ACOX1: variants seen among roughly 807,000 people sequenced by gnomAD.
ACOX1 encodes peroxisomal acyl-coenzyme A oxidase 1.
In ACOX1, 41 loss-of-function variants were observed where a neutral mutation model predicts 75.5. The ratio of observed to expected loss-of-function variants is 0.54; its 90% CI spans 0.42 to 0.70. The LOEUF (loss-of-function observed/expected upper bound fraction) is 0.70, where lower values mean the gene tolerates loss of function less well. Ranked by LOEUF, ACOX1 falls within the 30% of genes least tolerant of loss-of-function variation. ACOX1 has a pLI of 0.00. For missense variants in ACOX1, 630 were observed against 837.5 expected, an observed-to-expected ratio of 0.75 and a Z score of 3.06; for synonymous variants, 303 against 298.8, an observed-to-expected ratio of 1.01 and a Z score of -0.15.
chr17:75,970,900 T>A (rs910184574), intron 2 of ACOX1, among the ~76,000 whole-genome samples: 2 of 152,150 alleles, frequency 1.3e-5, no homozygotes, highest in Admixed American at 6.6e-5. Flanking sequence ...AGAACAGCAA[T>A]ATGAATTAGC....
At chr17:75,970,356 T>C (rs2065983069) in intron 2 of ACOX1, among the ~76,000 whole-genome samples, 1 of 152,132 alleles carries the variant, frequency 6.6e-6, no homozygotes, top group Admixed American at 6.6e-5. Flanking sequence ...GTCAGGATGA[T>C]AACATGGACC....
chr17:75,976,417 C>T (rs2066051105), intron 2 of ACOX1, among the ~76,000 whole-genome samples: 1 of 152,130 alleles, frequency 6.6e-6, no homozygotes, highest in South Asian at 2.1e-4. Flanking sequence ...AACACACACA[C>T]ACACACTCAA....
chr17:75,948,936 T>C (rs2065747981), intron 12 of ACOX1, among the ~76,000 whole-genome samples: 2 of 151,618 alleles, frequency 1.3e-5, no homozygotes, highest in South Asian at 4.2e-4. Flanking sequence ...CTTGGCTCAC[T>C]GCAACCTCTG....
Position 75,946,310 on chromosome 17 carries a change from G to T in ACOX1, c.*438C>A. The T allele has an allele frequency of 4.9e-6, 1 of 204,370 alleles. No individual in the cohort carries two copies. Among genetic ancestry groups the T allele is most frequent in the Non-Finnish European group, 1.0e-5 (1 of 99,258 alleles). 12.7% of individuals were successfully genotyped at this position (204,370 alleles called of 1,614,324 possible). A position where few individuals can be genotyped will look rare whatever the true frequency, so the allele number is the denominator to read the frequency against. Reference sequence around the variant, plus strand: ...ATCCTGCTTTTAAGCCAGGCCCCAGGGTAAGTCTGGTAGAACACTGAGCAG... The same window carrying T: ...ATCCTGCTTTTAAGCCAGGCCCCAGTGTAAGTCTGGTAGAACACTGAGCAG... On this transcript the variant is annotated 3_prime_UTR_variant, in exon 14 of 14. Transcript: ENST00000293217.
chr17:75,946,250 C>G lies in ACOX1; in HGVS notation c.*498G>C, dbSNP rs2065719227. 1.1e-5 allele frequency: 2 copies of G among 181,260 alleles called. No individual in the cohort carries two copies. Among genetic ancestry groups the G allele is most frequent in the Non-Finnish European group, 2.3e-5 (2 of 85,228 alleles). The allele number at this position is 181,260 out of a possible 1,614,324, so 11.2% of individuals were successfully genotyped here. A position where few individuals can be genotyped will look rare whatever the true frequency, so the allele number is the denominator to read the frequency against. On this transcript the variant is annotated 3_prime_UTR_variant, in exon 14 of 14. Coordinates refer to ENST00000293217, the MANE Select transcript of ACOX1 (RefSeq NM_004035.7). ...CAGAAACTCATTCGCATCAAGTTTT[C>G]CAATAAGTTTCCTTCCCCCAGTCCC... is the stretch of plus-strand genomic sequence containing the variant.
chr17:75,959,456 A>T (rs934960477), intron 3 of ACOX1, among the ~76,000 whole-genome samples: 15 of 152,236 alleles, frequency 9.9e-5, no homozygotes, highest in African/African-American at 3.1e-4. Context: ...GCAAGTGGCA[A>T]ATACACACTA....
intron 2 of ACOX1, among the ~76,000 whole-genome samples, chr17:75,971,083 G>C (rs2065988976): frequency 1.3e-5 from 2 of 152,088 alleles, no homozygotes; most frequent in African/African-American, 2.4e-5. Flanking sequence ...CCTAAGGTCG[G>C]GAGTTCGAGA....
At chr17:75,958,070 T>C (rs1393539909) in intron 3 of ACOX1, among the ~76,000 whole-genome samples, 1 of 152,100 alleles carries the variant, frequency 6.6e-6, no homozygotes. Flanking sequence ...ATTAAAAATG[T>C]ATGGCTGTGC....
intron 2 of ACOX1, among the ~76,000 whole-genome samples, chr17:75,968,930 A>G (rs906947488): frequency 6.6e-6 from 1 of 152,066 alleles, no homozygotes; most frequent in Non-Finnish European, 1.5e-5. Flanking sequence ...CTCAAAAAAA[A>G]AAAAAAAGAA....
intron 7 of ACOX1, among the ~76,000 whole-genome samples, chr17:75,952,861 G>A (rs998048037): frequency 6.6e-6 from 1 of 150,980 alleles, no homozygotes; most frequent in Non-Finnish European, 1.5e-5. Context: ...AGAAAATAGA[G>A]ACAGGGTCTC....
chr17:75,947,321 C>T (rs954411963), intron 13 of ACOX1, among the ~76,000 whole-genome samples: 3 of 150,642 alleles, frequency 2.0e-5, no homozygotes, highest in Non-Finnish European at 4.4e-5. Context: ...GGTCTCGGCT[C>T]ACCGCAACCT....
intron 7 of ACOX1, 42 bp from the exon 8 acceptor site, chr17:75,951,619 T>G: frequency 1.9e-6 from 3 of 1,604,638 alleles, no homozygotes; most frequent in Non-Finnish European, 2.6e-6. Context: ...AAGTAAATGT[T>G]TATACAGAAC....
chr17:75,951,493 A>T lies in ACOX1; in HGVS notation c.1029T>A (p.Phe343Leu). The T allele has an allele frequency of 6.2e-7, 1 of 1,614,168 alleles. No homozygotes were observed. The highest frequency in any genetic ancestry group is 8.5e-7 in the Non-Finnish European group (1 of 1,180,030). ...PLLATAYAFQ[F>L]VGAYMKETYH... ...AGGTCTCCTTCATGTATGCGCCCAC[A>T]AACTGGAAGGCATAGGCAGTGGCCA... Residue 343 changes from phenylalanine to leucine, a missense_variant, in exon 8 of 14, where the codon TTT (phenylalanine) becomes TTA (leucine). Transcript: ENST00000293217.
chr17:75,946,510 T>G lies in ACOX1; in HGVS notation c.*238A>C. 1 of 503,820 alleles carries G rather than the reference T, an allele frequency of 2.0e-6. No homozygotes were observed. Among genetic ancestry groups the G allele is most frequent in the East Asian group, 3.7e-5 (1 of 26,940 alleles). The allele number at this position is 503,820 out of a possible 1,614,324, so 31.2% of individuals were successfully genotyped here. On this transcript the variant is annotated 3_prime_UTR_variant, in exon 14 of 14. Coordinates refer to ENST00000293217, the MANE Select transcript of ACOX1 (RefSeq NM_004035.7). ...AGCAGCATTACAAAAGGAAGTCATA[T>G]CGCATTTCTTAAGCTTTTTCTGAAT...
intron 3 of ACOX1, among the ~76,000 whole-genome samples, chr17:75,959,607 G>T (rs1041209675): frequency 6.6e-6 from 1 of 152,166 alleles, no homozygotes; most frequent in African/African-American, 2.4e-5. Context: ...AAAGCAGGTG[G>T]GGGGTGGAAA....
At chr17:75,946,880 T>G (rs992627722) in intron 13 of ACOX1, 85 bp from the exon 14 acceptor site, 1 of 1,333,376 alleles carries the variant, frequency 7.5e-7, no homozygotes, top group Non-Finnish European at 1.1e-6. Context: ...GTTTTTGTTT[T>G]TTTTTTGAGA....
chr17:75,966,334 G>A (rs2065932282), intron 2 of ACOX1, among the ~76,000 whole-genome samples: 2 of 150,732 alleles, frequency 1.3e-5, no homozygotes, highest in South Asian at 2.1e-4. Flanking sequence ...GTGCACGCCT[G>A]TAATCCCAGC....
intron 2 of ACOX1, among the ~76,000 whole-genome samples, chr17:75,961,276 C>T (rs560897477): frequency 1.5e-5 from 2 of 134,628 alleles, no homozygotes; most frequent in Non-Finnish European, 3.1e-5. Flanking sequence ...CTGGGCGACA[C>T]AGTGAGACTC....
chr17:75,970,589 A>G (rs2065985185), intron 2 of ACOX1, among the ~76,000 whole-genome samples: 1 of 152,222 alleles, frequency 6.6e-6, no homozygotes, highest in South Asian at 2.1e-4. Context: ...TGGAAGGAAC[A>G]TGGAGTGAAC....
Sources: allele counts gnomAD v4.1 joint callset (sites outside exome capture counted in the v4.1 genomes callset), GRCh38; gene constraint gnomAD v4.1.1; transcripts MANE v1.5; gene names NCBI Gene and HGNC (gene_info 2026-07-23, HGNC 2026-07-21).